Variants in SCRIB observed in about 807,000 individuals in gnomAD.
SCRIB encodes the protein scribble planar cell polarity protein.
A neutral mutation model predicts 170.0 loss-of-function variants in SCRIB; 72 were observed. The ratio of observed to expected loss-of-function variants is 0.42; its 90% CI spans 0.35 to 0.52. SCRIB has a LOEUF of 0.52. Ranked by LOEUF, SCRIB falls within the 20% of genes least tolerant of loss-of-function variation. The pLI is 0.02. For synonymous variants in SCRIB, 1,298 were observed against 1,044.3 expected, an observed-to-expected ratio of 1.24 and a Z score of -4.68; for missense variants, 2,475 against 2,338.5, an observed-to-expected ratio of 1.06 and a Z score of -1.20.
chr8:143,807,917 G>A (rs564971309), intron 15 of SCRIB, among the ~76,000 whole-genome samples: 3 of 152,308 alleles, frequency 2.0e-5, no homozygotes, highest in South Asian at 2.1e-4. Context: ...GGCAGGGATA[G>A]TGAGACCCGG....
intron 8 of SCRIB, 21 bp from the exon 9 acceptor site, chr8:143,812,405 G>T: frequency 6.4e-7 from 1 of 1,556,572 alleles, no homozygotes. Context: ...GGAGACAGGG[G>T]GACAAGGCTG....
chr8:143,809,530 C>T (rs778313776), intron 14 of SCRIB, 21 bp downstream of exon 14: 2 of 1,599,038 alleles, frequency 1.3e-6, no homozygotes, highest in Non-Finnish European at 8.5e-7. Flanking sequence ...AGCCTCCTGC[C>T]TCCTTCCTGC....
rs1193134464 is a variant in SCRIB at position 143,795,287 on chromosome 8, G to A, written c.3761C>T (p.Thr1254Ile). ...GGCGACCACACTCACTGCGGCTTCT[G>A]TGGCCTCGGGCCCCCAGTGCAGGGT... ...GQTLHWGPEA[T>I]EAAGRGLQPL... The change falls in exon 26 of 37, where the codon ACA (threonine) becomes ATA (isoleucine). Residue 1254 changes from threonine to isoleucine, a missense_variant. Physicochemically the swap from Thr to Ile is moderately conservative, Grantham distance 89 (BLOSUM62 -1). Around this residue, in one of 3 missense-constraint regions of SCRIB, gnomAD observed 1,966 missense variants for 1,742.9 expected, o/e 1.13. Transcript: ENST00000356994. 43 of 1,612,532 alleles carry A rather than the reference G, an allele frequency of 2.7e-5. No homozygotes were observed. The highest frequency in any genetic ancestry group is 3.6e-5 in the Non-Finnish European group (42 of 1,179,934).
intron 24 of SCRIB, among the ~76,000 whole-genome samples, chr8:143,801,154 C>T (rs1396982270): frequency 2.6e-5 from 4 of 152,200 alleles, no homozygotes; most frequent in African/African-American, 9.7e-5. Flanking sequence ...ACAATGAGGC[C>T]ACATTTCCCC....
At chr8:143,793,544 GT>G (rs1254831198) in intron 28 of SCRIB, 5 of 337,302 alleles carry the variant, frequency 1.5e-5, no homozygotes, top group African/African-American at 1.0e-4. Flanking sequence ...GTGGCAGTGT[GT>G]TGGGAGGTGC....
Position 143,814,599 on chromosome 8 carries a change from T to A in SCRIB, c.160-481A>T, listed in dbSNP as rs372930405. On this transcript the variant is annotated intron_variant, in intron 1 of 36. Transcript: ENST00000356994. ...TGCAGGTGGCCACAGAGGACCGAGC[T>A]GTCACTGCCACGGCCAGAACAGGGT... Among the ~76,000 whole-genome samples the A allele has an allele frequency of 2.6e-4, 40 of 152,286 alleles. No individual in the cohort carries two copies. In the East Asian group the frequency reaches 5.4e-3, roughly 21 times the overall value.
In SCRIB at chr8:143,810,921, G is replaced by T; in HGVS notation, c.1258C>A (p.Pro420Thr). The change falls in exon 11 of 37, where the codon CCC (proline) becomes ACC (threonine). Residue 420 changes from proline (P) to threonine (T), a missense_variant. Pro to Thr is a conservative substitution (Grantham distance 38). Coordinates refer to ENST00000356994, the MANE Select transcript of SCRIB (RefSeq NM_182706.5). ...VLTCYLLPQQPPPSLEDAGQQ... is the reference protein window; with the variant it reads ...VLTCYLLPQQTPPSLEDAGQQ... The stretch of plus-strand genomic sequence containing the variant: ...AACAACCTACCGAGGCTGGGTGGGG[G>T]CTGCTGGGGCAGCAAGTAGCAGGTG... 1 of 1,611,494 alleles carries T rather than the reference G, an allele frequency of 6.2e-7. No individual in the cohort carries two copies. Among genetic ancestry groups the T allele is most frequent in the South Asian group, 1.1e-5 (1 of 91,080 alleles).
intron 33 of SCRIB, 22 bp downstream of exon 33, chr8:143,791,969 C>CA: frequency 6.7e-7 from 1 of 1,488,158 alleles, no homozygotes; most frequent in South Asian, 1.4e-5. Context: ...CTGACCCCCC[C>CA]GACCTGCCCT....
At position 143,795,322 on chromosome 8, in the gene SCRIB, C is replaced by T. The variant is rs200280295; in HGVS notation, c.3726G>A (p.Leu1242=). 52 of 1,612,704 alleles carry T rather than the reference C, an allele frequency of 3.2e-5. 1 individual carries two copies. The highest frequency in any genetic ancestry group is 2.7e-5 in the African/African-American group (2 of 74,886). ...GCCCCCAGTGCAGGGTCTGTCCAGGCAGCTCCTTCTCCTGTGAGCAGAGCA... is the reference window on the plus strand; with the variant it reads ...GCCCCCAGTGCAGGGTCTGTCCAGGTAGCTCCTTCTCCTGTGAGCAGAGCA... ...SPEGPGKEKE[L]PGQTLHWGPE... is the part of the protein sequence containing the mutation. Residue 1242 remains leucine, a synonymous_variant, in exon 26 of 37, where the codon CTG becomes CTA. Coordinates refer to ENST00000356994, the MANE Select transcript of SCRIB (RefSeq NM_182706.5).
At position 143,810,921 on chromosome 8, in the gene SCRIB, G is replaced by A. The variant is rs1256500405; in HGVS notation, c.1258C>T (p.Pro420Ser). ...AACAACCTACCGAGGCTGGGTGGGG[G>A]CTGCTGGGGCAGCAAGTAGCAGGTG... ...VLTCYLLPQQ[P>S]PPSLEDAGQQ... The change falls in exon 11 of 37, where the codon CCC becomes TCC. Residue 420 changes from proline to serine, a missense_variant. Pro to Ser is a moderately conservative substitution (Grantham distance 74). Transcript: ENST00000356994. The A allele has an allele frequency of 5.6e-6, 9 of 1,611,494 alleles. No homozygotes were observed. The highest frequency in any genetic ancestry group is 6.8e-6 in the Non-Finnish European group (8 of 1,179,820).
At chr8:143,794,022 G>A in intron 27 of SCRIB, 60 bp from the exon 28 acceptor site, 1 of 1,529,830 alleles carries the variant, frequency 6.5e-7, no homozygotes, top group Non-Finnish European at 9.0e-7. Context: ...CCGACCAGGA[G>A]GGACTGGGGG....
chr8:143,806,751 C>A (rs1009792613), intron 17 of SCRIB, among the ~76,000 whole-genome samples, 173 bp downstream of exon 17: 1 of 152,218 alleles, frequency 6.6e-6, no homozygotes, highest in East Asian at 1.9e-4. Flanking sequence ...CAGACCCAGG[C>A]ACCCTCAGGT....
At position 143,812,879 on chromosome 8, in the gene SCRIB, A is replaced by G. The variant is rs1196885201; in HGVS notation, c.725T>C (p.Leu242Pro). ...LEELPAELGG[L>P]VLLTDLLLSQ... The stretch of plus-strand genomic sequence containing the variant: ...CAGCAGCAGGTCAGTGAGCAGCACC[A>G]GCCCGCCGAGCTCAGCAGGCAGCTC... The change falls in exon 8 of 37, where the codon CTG (leucine) becomes CCG (proline). Residue 242 changes from leucine to proline, a missense_variant. Coordinates refer to ENST00000356994, the MANE Select transcript of SCRIB (RefSeq NM_182706.5). 1 of 1,608,962 alleles carries G rather than the reference A, an allele frequency of 6.2e-7. No homozygotes were observed. Among genetic ancestry groups the G allele is most frequent in the Non-Finnish European group, 8.5e-7 (1 of 1,179,868 alleles).
chr8:143,793,573 G>C (rs4875055), intron 28 of SCRIB: 155,285 of 351,018 alleles, frequency 0.44, 39,847 homozygotes, highest in East Asian at 0.86. Flanking sequence ...GGGGGGGCAA[G>C]GACCCCCAGA....
At chr8:143,811,648 G>A (rs1383438939) in intron 9 of SCRIB, among the ~76,000 whole-genome samples, 1 of 152,092 alleles carries the variant, frequency 6.6e-6, no homozygotes, top group Non-Finnish European at 1.5e-5. Flanking sequence ...TGCGCCCTGT[G>A]AGCCTGTCTG....
chr8:143,793,156 G>GCTGTCCCCCCGC (rs1220561965), intron 28 of SCRIB, 73 bp from the exon 29 acceptor site: 11 of 839,428 alleles, frequency 1.3e-5, no homozygotes, highest in African/African-American at 7.1e-5. Flanking sequence ...CTCACCACCG[G>GCTGTCCCCCCGC]CTGTCCCCCC....
intron 1 of SCRIB, among the ~76,000 whole-genome samples, chr8:143,814,543 G>A (rs527339585): frequency 1.3e-5 from 2 of 152,244 alleles, no homozygotes; most frequent in Admixed American, 6.5e-5. Flanking sequence ...CAATAACACA[G>A]TACCACAGGC....
chr8:143,812,246 C>T lies in SCRIB; in HGVS notation c.906+20G>A, dbSNP rs563492012. On this transcript the variant is annotated intron_variant, in intron 9 of 36. Coordinates refer to ENST00000356994, the MANE Select transcript of SCRIB (RefSeq NM_182706.5). ...ACCCCCGACGGCCCCATCCTTTCTGCCTCCCAAGCCAGACCCTACCATCAG... is the reference window on the plus strand; with the variant it reads ...ACCCCCGACGGCCCCATCCTTTCTGTCTCCCAAGCCAGACCCTACCATCAG... 4.0e-6 allele frequency: 6 copies of T among 1,502,208 alleles called. No individual in the cohort carries two copies. In the South Asian group the frequency reaches 4.5e-5, roughly 11 times the overall value. 93.1% of individuals were successfully genotyped at this position (1,502,208 alleles called of 1,614,324 possible). A position where few individuals can be genotyped will look rare whatever the true frequency, so the allele number is the denominator to read the frequency against.
At position 143,813,193 on chromosome 8, in the gene SCRIB, T is replaced by A; in HGVS notation, c.568-89A>T. 1.9e-6 allele frequency: 3 copies of A among 1,586,014 alleles called. No individual in the cohort carries two copies. In the South Asian group the frequency reaches 3.3e-5, roughly 18 times the overall value. On this transcript the variant is annotated intron_variant, in intron 6 of 36. Coordinates refer to ENST00000356994, the MANE Select transcript of SCRIB (RefSeq NM_182706.5). Reference sequence around the variant, plus strand: ...GAGACTATACGCCCCCACACCCAGCTCCCACCCGCCTGCCCTCCCGAGGTG... The same window carrying A: ...GAGACTATACGCCCCCACACCCAGCACCCACCCGCCTGCCCTCCCGAGGTG...
Sources: gnomAD v4.1 joint callset for allele counts (sites outside exome capture counted in the v4.1 genomes callset) on GRCh38, gnomAD v4.1.1 for gene constraint, gnomAD v4.1.1 regional missense constraint, MANE v1.5 for transcripts, NCBI Gene and HGNC (gene_info 2026-07-23, HGNC 2026-07-21) for gene names.